Variants in C4orf17 observed in about 807,000 individuals in gnomAD.
C4orf17 encodes uncharacterized protein C4orf17.
In C4orf17, 25 loss-of-function variants were observed where a neutral mutation model predicts 32.0. The observed-to-expected ratio is 0.78, with a 90% CI of 0.57 to 1.09. The LOEUF is 1.09. C4orf17 is among the 50% of genes least tolerant of loss of function. The probability of loss-of-function intolerance (pLI) is 0.00; values close to 1 mark genes in which losing one functional copy is unlikely to be tolerated. For synonymous variants in C4orf17, 149 were observed against 145.8 expected, an observed-to-expected ratio of 1.02 and a Z score of -0.16; for missense variants, 420 against 420.0, an observed-to-expected ratio of 1.00 and a Z score of 0.00.
chr4:99,535,422 G>T (rs1361578148), intron 5 of C4orf17, among the ~76,000 whole-genome samples: 2 of 151,840 alleles, frequency 1.3e-5, no homozygotes, highest in African/African-American at 2.4e-5. Context: ...TTTCTCGGAG[G>T]TTTTGCTTAT....
intron 4 of C4orf17, among the ~76,000 whole-genome samples, chr4:99,528,566 G>T (rs763791947): frequency 1.3e-4 from 20 of 151,830 alleles, no homozygotes; most frequent in Admixed American, 2.6e-4. Context: ...CTTTATTTTT[G>T]TGACATATCC....
In C4orf17 at chr4:99,539,247, A is replaced by C. The variant is rs779637613; in HGVS notation, c.713A>C (p.Glu238Ala). ...LTHHRRNTSM[E>A]PAAETGKPPT... ...CATCACAGAAGAAACACCTCAATGG[A>C]ACCAGCAGCAGAGACTGGGAAGCCA... The change falls in exon 7 of 9, where the codon GAA becomes GCA. Residue 238 changes from glutamate (E) to alanine (A), a missense_variant. Glu to Ala is a moderately radical substitution (Grantham distance 107). Transcript: ENST00000326581. 2.3e-5 allele frequency: 37 copies of C among 1,613,978 alleles called. No homozygotes were observed. The highest frequency in any genetic ancestry group is 1.6e-4 in the Middle Eastern group (1 of 6,084).
At chr4:99,522,466 G>C in intron 2 of C4orf17, 34 bp from the exon 3 acceptor site, 1 of 1,534,816 alleles carries the variant, frequency 6.5e-7, no homozygotes, top group South Asian at 1.2e-5. Flanking sequence ...CTGGTTGCTT[G>C]ATCTGTCTCT....
intron 2 of C4orf17, 140 bp from the exon 3 acceptor site, chr4:99,522,360 G>A (rs911581180): frequency 1.1e-5 from 7 of 634,838 alleles, no homozygotes; most frequent in Non-Finnish European, 1.7e-5. Context: ...TTTTTTTTTG[G>A]TTTATACAAT....
At chr4:99,530,312 T>C (rs1396092459) in intron 5 of C4orf17, among the ~76,000 whole-genome samples, 1 of 152,168 alleles carries the variant, frequency 6.6e-6, no homozygotes, top group African/African-American at 2.4e-5. Flanking sequence ...ACTTCTCATA[T>C]TTTAAAGCAT....
rs954995223 is a variant in C4orf17 at position 99,511,114 on chromosome 4, G to T, written c.-252G>T. The T allele has an allele frequency of 2.0e-5, 3 of 152,126 alleles. No homozygotes were observed. Among genetic ancestry groups the T allele is most frequent in the Non-Finnish European group, 4.4e-5 (3 of 68,010 alleles). 9.4% of individuals were successfully genotyped at this position (152,126 alleles called of 1,614,324 possible). A position where few individuals can be genotyped will look rare whatever the true frequency, so the allele number is the denominator to read the frequency against. ...CAGCTGTATTCTTTTGGAAGCGTTC[G>T]AGATTGGTCTGTCTCTACCAACTAA... is the stretch of plus-strand genomic sequence containing the variant. On this transcript the variant is annotated 5_prime_UTR_variant, in exon 1 of 9. Coordinates refer to ENST00000326581, the MANE Select transcript of C4orf17 (RefSeq NM_032149.3).
chr4:99,524,632 A>G, intron 4 of C4orf17, 47 bp downstream of exon 4: 2 of 1,183,688 alleles, frequency 1.7e-6, no homozygotes, highest in Non-Finnish European at 1.2e-6. Context: ...GACTTCTATA[A>G]GTTCCTCTCC....
chr4:99,542,154 T>C lies in C4orf17; in HGVS notation c.*45T>C, dbSNP rs376647955. On this transcript the variant is annotated 3_prime_UTR_variant, in exon 9 of 9. Coordinates refer to ENST00000326581, the MANE Select transcript of C4orf17 (RefSeq NM_032149.3). ...TTCTTTCATGAATATGAGCTTCACA[T>C]TTACATCATCAAATTATTTTTCAAA... The C allele has an allele frequency of 1.3e-6, 2 of 1,494,414 alleles. No homozygotes were observed. Among genetic ancestry groups the C allele is most frequent in the Non-Finnish European group, 1.9e-6 (2 of 1,074,930 alleles). The allele number at this position is 1,494,414 out of a possible 1,614,324, so 92.6% of individuals were successfully genotyped here. A position where few individuals can be genotyped will look rare whatever the true frequency, so the allele number is the denominator to read the frequency against.
chr4:99,533,997 G>C (rs147710795), intron 5 of C4orf17, among the ~76,000 whole-genome samples: 1 of 152,224 alleles, frequency 6.6e-6, no homozygotes, highest in East Asian at 1.9e-4. Context: ...TTTATTTTAA[G>C]TTCCGGGGTA....
At chr4:99,524,692 A>G in intron 4 of C4orf17, 107 bp downstream of exon 4, 1 of 677,266 alleles carries the variant, frequency 1.5e-6, no homozygotes, top group Admixed American at 2.7e-5. Flanking sequence ...CAATATTTTT[A>G]CAGCTTTAGT....
rs1168707605 is a variant in C4orf17, at chr4:99,522,691, C to T, written c.319C>T (p.Pro107Ser). 6.2e-6 allele frequency: 10 copies of T among 1,613,372 alleles called. No individual in the cohort carries two copies. Among genetic ancestry groups the T allele is most frequent in the Non-Finnish European group, 8.5e-6 (10 of 1,179,700 alleles). Residue 107 changes from proline to serine, a missense_variant, in exon 3 of 9, where the codon CCT becomes TCT. By Grantham distance (74) the Pro-to-Ser change is moderately conservative. Transcript: ENST00000326581. Reference protein sequence around the residue: ...MSPAPNGAKVPPRPHSEPSRK... With the variant: ...MSPAPNGAKVSPRPHSEPSRK... ...GCCAGCCCCAAACGGTGCCAAAGTG[C>T]CTCCACGGCCTCATTCTGGTGAGTT...
chr4:99,522,116 A>G (rs1358192279), intron 2 of C4orf17, among the ~76,000 whole-genome samples: 2 of 152,282 alleles, frequency 1.3e-5, no homozygotes, highest in South Asian at 4.1e-4. Flanking sequence ...TAAAAAATTT[A>G]AATCTGGCAT....
intron 7 of C4orf17, among the ~76,000 whole-genome samples, chr4:99,539,696 TA>T: frequency 6.6e-6 from 1 of 152,288 alleles, no homozygotes; most frequent in South Asian, 2.1e-4. Flanking sequence ...ATAGTTTAAC[TA>T]AAAATAGATG....
intron 5 of C4orf17, among the ~76,000 whole-genome samples, chr4:99,531,115 AC>A (rs1723470530): frequency 1.0e-5 from 1 of 96,176 alleles, no homozygotes; most frequent in Non-Finnish European, 2.1e-5. Flanking sequence ...ATATCCCATT[AC>A]CCTTTGTTTT....
intron 2 of C4orf17, among the ~76,000 whole-genome samples, chr4:99,515,887 T>C (rs72906763): frequency 0.091 from 13,780 of 152,082 alleles, 821 homozygotes; most frequent in African/African-American, 0.16. Flanking sequence ...TAGGAGGCTG[T>C]TGCACCTGTG....
chr4:99,539,053 A>C, intron 6 of C4orf17, 110 bp from the exon 7 acceptor site: 1 of 1,016,638 alleles, frequency 9.8e-7, no homozygotes, highest in East Asian at 2.4e-5. Flanking sequence ...AACTATCCAG[A>C]AAATAGATGA....
chr4:99,534,319 T>G (rs1232212730), intron 5 of C4orf17, among the ~76,000 whole-genome samples: 1 of 152,226 alleles, frequency 6.6e-6, no homozygotes, highest in Non-Finnish European at 1.5e-5. Context: ...ATGATCTTTT[T>G]TCATGGCTGC....
At chr4:99,533,869 C>A (rs1394806921) in intron 5 of C4orf17, among the ~76,000 whole-genome samples, 1 of 152,160 alleles carries the variant, frequency 6.6e-6, no homozygotes, top group African/African-American at 2.4e-5. Flanking sequence ...AATAGCCCTG[C>A]AATAGAGGCT....
intron 4 of C4orf17, among the ~76,000 whole-genome samples, chr4:99,528,664 C>T (rs1418968304): frequency 6.6e-6 from 1 of 152,134 alleles, no homozygotes; most frequent in African/African-American, 2.4e-5. Flanking sequence ...ACAATCATAG[C>T]AGAAGGCAAA....
Sources: allele counts gnomAD v4.1 joint callset (sites outside exome capture counted in the v4.1 genomes callset), GRCh38; gene constraint gnomAD v4.1.1; transcripts MANE v1.5; gene names NCBI Gene and HGNC (gene_info 2026-07-23, HGNC 2026-07-21).